The following GCAT variants were observed in gnomAD, a reference collection of about 807,000 sequenced individuals.
The protein encoded by GCAT is glycine C-acetyltransferase.
In GCAT, 26 loss-of-function variants were observed where a neutral mutation model predicts 39.7. The ratio of observed to expected loss-of-function variants is 0.65; its 90% CI spans 0.48 to 0.91. The LOEUF is 0.91. Ranked by LOEUF, GCAT falls within the 40% of genes least tolerant of loss-of-function variation. The pLI is 0.00. For missense variants in GCAT, 550 were observed against 576.2 expected (o/e 0.95, Z 0.47); for synonymous variants, 218 against 237.2 (o/e 0.92, Z 0.74).
chr22:37,815,905 G>A, intron 7 of GCAT, 71 bp downstream of exon 7: 1 of 1,564,974 alleles, frequency 6.4e-7, no homozygotes, highest in East Asian at 2.2e-5. Context: ...TGTCTGCCCA[G>A]GCCCACAGAC....
rs1922127310 is a variant in GCAT at position 37,815,837 on chromosome 22, G to A, written c.986+3G>A. The stretch of plus-strand genomic sequence containing the variant: ...TCTATGGCTGCCAAGACCCAGAGGT[G>A]CGACTCCCAGCAGGGCAGGCTCGGG... On this transcript the variant is annotated splice_donor_region_variant and intron_variant, in intron 7 of 8. Transcript: ENST00000248924. The A allele has an allele frequency of 6.2e-7, 1 of 1,613,730 alleles. No homozygotes were observed. Among genetic ancestry groups the A allele is most frequent in the Non-Finnish European group, 8.5e-7 (1 of 1,179,854 alleles).
rs1049468382 is a variant in GCAT, at chr22:37,808,039, G to C, written c.72G>C (p.Leu24=). The C allele has an allele frequency of 1.3e-6, 2 of 1,554,314 alleles. No homozygotes were observed. The highest frequency in any genetic ancestry group is 1.9e-5 in the Admixed American group (1 of 51,532). ...GCGGCCGCCGCGCACAGTCAGCGCTGGCCCAGCTGCGTGGCATTCTGGAGG... is the reference window on the plus strand; with the variant it reads ...GCGGCCGCCGCGCACAGTCAGCGCTCGCCCAGCTGCGTGGCATTCTGGAGG... ...VPRGRRAQSA[L]AQLRGILEGE... is the part of the protein sequence containing the mutation. The change falls in exon 1 of 9, where the codon CTG becomes CTC. Residue 24 remains leucine, a synonymous_variant. Transcript: ENST00000248924.
At chr22:37,812,152 A>G (rs1921667633) in intron 2 of GCAT, among the ~76,000 whole-genome samples, 1 of 144,962 alleles carries the variant, frequency 6.9e-6, no homozygotes, top group African/African-American at 2.6e-5. Context: ...GCAACATAGC[A>G]AGACCCTCTC....
Position 37,815,744 on chromosome 22 carries a change from C to T in GCAT, c.896C>T (p.Pro299Leu), listed in dbSNP as rs778977350. 1 of 1,613,790 alleles carries T rather than the reference C, an allele frequency of 6.2e-7. No homozygotes were observed. The change falls in exon 7 of 9, where the codon CCA becomes CTA. Residue 299 changes from proline (P) to leucine (L), a missense_variant. This residue lies in a region of GCAT where 378 missense variants were observed against 390.4 expected (regional missense o/e 0.97). Coordinates refer to ENST00000248924, the MANE Select transcript of GCAT (RefSeq NM_014291.4). ...ARPYLFSNSL[P>L]PAVVGCASKA... ...CCATACCTCTTCTCCAACAGTCTGC[C>T]ACCTGCTGTCGTTGGCTGCGCCTCC... is the stretch of plus-strand genomic sequence containing the variant.
chr22:37,816,752 C>T lies in GCAT; in HGVS notation c.*34C>T, dbSNP rs1209645969. ...TAAGGACGAGAAGAGCCAAGGTCCG[C>T]CTACTGCCACAGGGTCAAAGGAGGT... On this transcript the variant is annotated 3_prime_UTR_variant, in exon 9 of 9. Transcript: ENST00000248924. 1 of 1,610,946 alleles carries T rather than the reference C, an allele frequency of 6.2e-7. No homozygotes were observed. The highest frequency in any genetic ancestry group is 8.5e-7 in the Non-Finnish European group (1 of 1,177,998).
intron 2 of GCAT, 136 bp from the exon 3 acceptor site, chr22:37,812,751 G>T (rs1921736513): frequency 3.0e-6 from 2 of 664,998 alleles, no homozygotes; most frequent in Non-Finnish European, 5.4e-6. Context: ...GATAGCCCAT[G>T]TGTGGCAGAA....
intron 4 of GCAT, among the ~76,000 whole-genome samples, 179 bp from the exon 5 acceptor site, chr22:37,814,947 A>T (rs573538118): frequency 6.6e-6 from 1 of 152,148 alleles, no homozygotes; most frequent in Non-Finnish European, 1.5e-5. Context: ...GAGATGGGTG[A>T]CGCTGAGAGG....
Position 37,815,068 on chromosome 22 carries a change from G to T in GCAT, c.577-58G>T, listed in dbSNP as rs183989724. On this transcript the variant is annotated intron_variant, in intron 4 of 8. Coordinates refer to ENST00000248924, the MANE Select transcript of GCAT (RefSeq NM_014291.4). ...TCTCAGAGCTCCAAGCAGCACAAGA[G>T]ACGGGTGGTTTGGCCCAACTTGACA... The T allele has an allele frequency of 2.2e-4, 351 of 1,572,650 alleles. 1 individual carries two copies. The highest frequency in any genetic ancestry group is 2.8e-4 in the Admixed American group (17 of 59,800).
chr22:37,815,633 C>T, intron 6 of GCAT, 30 bp from the exon 7 acceptor site: 1 of 1,556,746 alleles, frequency 6.4e-7, no homozygotes, highest in Non-Finnish European at 8.8e-7. Flanking sequence ...CCTGACCAAC[C>T]CCTCCCCCCA....
In GCAT at chr22:37,810,025, A is replaced by G. The variant is rs1202092422; in HGVS notation, c.197-2A>G. ...GTATCCATCTCCTCTCCTTCACCTC[A>G]GGAATCCTTAACTTCTGTGCCAACA... On this transcript the variant is annotated splice_acceptor_variant, in intron 1 of 8. Transcript: ENST00000248924. LOFTEE classifies it high-confidence loss of function. 6.2e-7 allele frequency: 1 copy of G among 1,613,942 alleles called. No homozygotes were observed. The highest frequency in any genetic ancestry group is 8.5e-7 in the Non-Finnish European group (1 of 1,179,846).
chr22:37,812,559 C>T (rs774705720), intron 2 of GCAT, among the ~76,000 whole-genome samples: 1 of 152,174 alleles, frequency 6.6e-6, no homozygotes, highest in Non-Finnish European at 1.5e-5. Context: ...TTTTTCTTCA[C>T]CATTAGGCGA....
At chr22:37,814,350 G>C (rs1325758245) in intron 4 of GCAT, among the ~76,000 whole-genome samples, 3 of 151,974 alleles carry the variant, frequency 2.0e-5, no homozygotes, top group African/African-American at 4.8e-5. Flanking sequence ...TGAAACCTCT[G>C]CCTCCCAGGT....
In GCAT at chr22:37,815,186, C is replaced by G. The variant is rs774424525; in HGVS notation, c.637C>G (p.Pro213Ala). The G allele has an allele frequency of 6.2e-7, 1 of 1,614,072 alleles. No individual in the cohort carries two copies. The highest frequency in any genetic ancestry group is 1.1e-5 in the South Asian group (1 of 91,086). The change falls in exon 5 of 9, where the codon CCC (proline) becomes GCC (alanine). Residue 213 changes from proline (P) to alanine (A), a missense_variant. This residue lies in a region of GCAT where 378 missense variants were observed against 390.4 expected (regional missense o/e 0.97). Transcript: ENST00000248924. ...GAFSMDGDIA[P>A]LQEICCLASR... ...CTTTTCCATGGATGGCGACATCGCA[C>G]CCCTGCAGGAGATCTGCTGCCTCGC...
Position 37,815,115 on chromosome 22 carries a change from C to T in GCAT, c.577-11C>T, listed in dbSNP as rs1922011252. ...GACACCACCCACCATCTGCTCATGT[C>T]TTTCCTGCAGAAGCATCGGCTGCGC... On this transcript the variant is annotated splice_polypyrimidine_tract_variant and intron_variant, in intron 4 of 8. Transcript: ENST00000248924. 2 of 1,613,138 alleles carry T rather than the reference C, an allele frequency of 1.2e-6. No homozygotes were observed. The highest frequency in any genetic ancestry group is 1.3e-5 in the African/African-American group (1 of 74,938).
At chr22:37,811,875 CAAA>C (rs55770597) in intron 2 of GCAT, among the ~76,000 whole-genome samples, 6 of 118,700 alleles carry the variant, frequency 5.1e-5, no homozygotes, top group Non-Finnish European at 5.2e-5. Flanking sequence ...AACTCTGTCT[CAAA>C]AAAAAAAAAA....
chr22:37,812,165 T>TAA lies in GCAT; in HGVS notation c.328-710_328-709dup, dbSNP rs397804303. On this transcript the variant is annotated intron_variant, in intron 2 of 8. Transcript: ENST00000248924. ...GGGCAACATAGCAAGACCCTCTCTC[T>TAA]AAAAAAAAAAAAATGTTTTTAATTA... 4.3e-3 allele frequency among the ~76,000 whole-genome samples: 634 copies of TAA among 146,860 alleles called. 6 individuals are homozygous for TAA. Among genetic ancestry groups the TAA allele is most frequent in the East Asian group, 0.034 (170 of 5,024 alleles).
chr22:37,808,081 C>T lies in GCAT; in HGVS notation c.114C>T (p.Ile38=), dbSNP rs746360897. 2 of 1,572,940 alleles carry T rather than the reference C, an allele frequency of 1.3e-6. No homozygotes were observed. Among genetic ancestry groups the T allele is most frequent in the South Asian group, 2.3e-5 (2 of 85,800 alleles). ...RGILEGELEG[I]RGAGTWKSER... is the part of the protein sequence containing the mutation. ...TTCTGGAGGGGGAGCTGGAAGGCAT[C>T]CGCGGAGCTGGCACTTGGAAGAGTG... is the stretch of plus-strand genomic sequence containing the variant. The change falls in exon 1 of 9, where the codon ATC becomes ATT. Residue 38 remains isoleucine, a synonymous_variant. Coordinates refer to ENST00000248924, the MANE Select transcript of GCAT (RefSeq NM_014291.4).
rs763625409 is a variant in GCAT, at chr22:37,808,075, A to G, written c.108A>G (p.Glu36=). The change falls in exon 1 of 9, where the codon GAA becomes GAG. Residue 36 remains glutamate, a synonymous_variant. Coordinates refer to ENST00000248924, the MANE Select transcript of GCAT (RefSeq NM_014291.4). The stretch of plus-strand genomic sequence containing the variant: ...GTGGCATTCTGGAGGGGGAGCTGGA[A>G]GGCATCCGCGGAGCTGGCACTTGGA... ...QLRGILEGEL[E]GIRGAGTWKS... is the part of the protein sequence containing the mutation. The G allele has an allele frequency of 1.3e-6, 2 of 1,570,608 alleles. No individual in the cohort carries two copies. The highest frequency in any genetic ancestry group is 1.7e-6 in the Non-Finnish European group (2 of 1,160,004).
At position 37,815,182 on chromosome 22, in the gene GCAT, C is replaced by T. The variant is rs200164269; in HGVS notation, c.633C>T (p.Ile211=). The T allele has an allele frequency of 6.6e-5, 106 of 1,613,922 alleles. No individual in the cohort carries two copies. Among genetic ancestry groups the T allele is most frequent in the Admixed American group, 5.0e-5 (3 of 60,002 alleles). Residue 211 remains isoleucine, a synonymous_variant, in exon 5 of 9, where the codon ATC becomes ATT. Coordinates refer to ENST00000248924, the MANE Select transcript of GCAT (RefSeq NM_014291.4). ...GGGCCTTTTCCATGGATGGCGACAT[C>T]GCACCCCTGCAGGAGATCTGCTGCC... ...TDGAFSMDGD[I]APLQEICCLA... is the part of the protein sequence containing the mutation.
Sources: allele counts gnomAD v4.1 joint callset (sites outside exome capture counted in the v4.1 genomes callset), GRCh38; gene constraint gnomAD v4.1.1; regional missense constraint gnomAD v4.1.1; transcripts MANE v1.5; gene names NCBI Gene and HGNC (gene_info 2026-07-23, HGNC 2026-07-21).